CDH8: variants seen among roughly 807,000 people sequenced by gnomAD.
CDH8 encodes the protein cadherin-8.
Under a neutral mutation model 68.1 loss-of-function variants are expected in CDH8, and 17 were observed. That is an observed-to-expected ratio of 0.25 (90% CI 0.17 to 0.37). CDH8 has a LOEUF of 0.37. Among genes scored for constraint, CDH8 ranks in the 10% least tolerant of loss-of-function variants. The probability of loss-of-function intolerance (pLI) is 1.00; values close to 1 mark genes in which losing one functional copy is unlikely to be tolerated. For missense variants in CDH8, 763 were observed against 999.3 expected (o/e 0.76, Z 3.19); for synonymous variants, 372 against 365.1 (o/e 1.02, Z -0.21).
chr16:62,007,678 G>A (rs1343361115), intron 2 of CDH8, among the ~76,000 whole-genome samples: 2 of 152,146 alleles, frequency 1.3e-5, no homozygotes, highest in African/African-American at 2.4e-5. Flanking sequence ...GGGGCTAAAA[G>A]AAATTAGCCT....
intron 10 of CDH8, among the ~76,000 whole-genome samples, chr16:61,666,353 C>T (rs1386262205): frequency 6.6e-6 from 1 of 151,988 alleles, no homozygotes; most frequent in African/African-American, 2.4e-5. Flanking sequence ...ATTATTATTA[C>T]TGTTAGTGTT....
intron 4 of CDH8, among the ~76,000 whole-genome samples, chr16:61,849,446 G>T (rs1261111358): frequency 1.3e-5 from 2 of 152,106 alleles, no homozygotes. Context: ...TTTACAGGGA[G>T]AACTCCTGTG....
intron 3 of CDH8, among the ~76,000 whole-genome samples, chr16:61,892,575 G>C (rs1001929851): frequency 6.6e-6 from 1 of 152,022 alleles, no homozygotes; most frequent in South Asian, 2.1e-4. Context: ...TGTTGCCACC[G>C]ATCTATTCTG....
At chr16:61,920,807 A>G (rs1037165214) in intron 2 of CDH8, among the ~76,000 whole-genome samples, 2 of 75,410 alleles carry the variant, frequency 2.7e-5, no homozygotes, top group Non-Finnish European at 4.9e-5. Flanking sequence ...ATGCACACGT[A>G]TGTTTATTGC....
At chr16:61,684,723 A>T (rs1167804751) in intron 10 of CDH8, among the ~76,000 whole-genome samples, 1 of 151,964 alleles carries the variant, frequency 6.6e-6, no homozygotes, top group Non-Finnish European at 1.5e-5. Context: ...TTTGTAGTCC[A>T]GAGCTTGGCT....
chr16:61,682,334 T>C (rs180730278), intron 10 of CDH8, among the ~76,000 whole-genome samples: 4 of 151,952 alleles, frequency 2.6e-5, no homozygotes, highest in African/African-American at 9.7e-5. Flanking sequence ...TATAGAAATC[T>C]AAGAAGATGT....
rs1280541422 is a variant in CDH8 at position 61,653,601 on chromosome 16, T to A, written c.*7A>T. The stretch of plus-strand genomic sequence containing the variant: ...CTCAGTTCCAGTGATTTATTTATAA[T>A]CCACTGTCAAGTTTCTTTGTCACTT... On this transcript the variant is annotated 3_prime_UTR_variant, in exon 12 of 12. Transcript: ENST00000577390. 1 of 1,599,738 alleles carries A rather than the reference T, an allele frequency of 6.3e-7. No individual in the cohort carries two copies. Among genetic ancestry groups the A allele is most frequent in the Non-Finnish European group, 8.5e-7 (1 of 1,173,946 alleles).
At chr16:62,015,889 A>G (rs564435708) in intron 2 of CDH8, among the ~76,000 whole-genome samples, 2 of 152,286 alleles carry the variant, frequency 1.3e-5, no homozygotes, top group South Asian at 4.2e-4. Context: ...CCCTGATCTT[A>G]AAGATTACCA....
At chr16:62,025,732 T>A (rs2150617524) in intron 1 of CDH8, among the ~76,000 whole-genome samples, 1 of 152,320 alleles carries the variant, frequency 6.6e-6, no homozygotes, top group South Asian at 2.1e-4. Context: ...AATGGAAAGC[T>A]AATATTATTT....
At chr16:61,801,384 C>T (rs1961624933) in intron 7 of CDH8, among the ~76,000 whole-genome samples, 1 of 152,156 alleles carries the variant, frequency 6.6e-6, no homozygotes, top group South Asian at 2.1e-4. Flanking sequence ...GAAGTGTGCC[C>T]TGTTCTATCC....
At chr16:61,659,205 T>C (rs1218015439) in intron 10 of CDH8, among the ~76,000 whole-genome samples, 1 of 152,168 alleles carries the variant, frequency 6.6e-6, no homozygotes, top group Admixed American at 6.5e-5. Context: ...TGGAAAAACA[T>C]TTAAAGATTC....
chr16:61,713,796 T>C (rs1964672575), intron 10 of CDH8, 45 bp downstream of exon 10: 1 of 1,030,098 alleles, frequency 9.7e-7, no homozygotes. Context: ...GCATCCTATT[T>C]TCCAATTTAT....
intron 2 of CDH8, among the ~76,000 whole-genome samples, chr16:61,961,189 C>T (rs1188868800): frequency 6.6e-6 from 1 of 152,050 alleles, no homozygotes; most frequent in African/African-American, 2.4e-5. Context: ...GAGGCACGCA[C>T]ATGTAGTCCC....
intron 1 of CDH8, among the ~76,000 whole-genome samples, chr16:62,032,706 C>A (rs542483674): frequency 6.6e-6 from 1 of 152,090 alleles, no homozygotes; most frequent in African/African-American, 2.4e-5. Flanking sequence ...CAAAAGTTTG[C>A]GGATGGACCA....
At chr16:61,864,322 GTT>G (rs1963211789) in intron 3 of CDH8, among the ~76,000 whole-genome samples, 1 of 151,680 alleles carries the variant, frequency 6.6e-6, no homozygotes, top group Non-Finnish European at 1.5e-5. Flanking sequence ...TGGTTGGTTG[GTT>G]GGTTGGTTGG....
chr16:62,021,710 A>G (rs772043961), intron 1 of CDH8, 108 bp from the exon 2 acceptor site: 1 of 474,568 alleles, frequency 2.1e-6, no homozygotes, highest in Non-Finnish European at 3.4e-6. Flanking sequence ...GCACTTCTCA[A>G]ACTCTTGAGT....
intron 2 of CDH8, among the ~76,000 whole-genome samples, chr16:62,010,824 T>C (rs1901791126): frequency 6.6e-6 from 1 of 151,696 alleles, no homozygotes; most frequent in South Asian, 2.1e-4. Flanking sequence ...ATGCCTGTAA[T>C]CCCAGCTACT....
intron 8 of CDH8, among the ~76,000 whole-genome samples, chr16:61,754,066 T>A (rs886961260): frequency 1.3e-5 from 2 of 152,172 alleles, no homozygotes; most frequent in African/African-American, 4.8e-5. Flanking sequence ...AACTTAATAC[T>A]GTCTGAATGT....
chr16:61,941,608 C>A (rs1567537549), intron 2 of CDH8, among the ~76,000 whole-genome samples: 1 of 152,144 alleles, frequency 6.6e-6, no homozygotes, highest in Non-Finnish European at 1.5e-5. Flanking sequence ...TGCCACCAAA[C>A]CCGGATAACT....
Sources: allele counts gnomAD v4.1 joint callset (sites outside exome capture counted in the v4.1 genomes callset), GRCh38; gene constraint gnomAD v4.1.1; transcripts MANE v1.5; gene names NCBI Gene and HGNC (gene_info 2026-07-23, HGNC 2026-07-21).